ANKS6: variants seen among roughly 807,000 people sequenced by gnomAD.
ANKS6 encodes ankyrin repeat and SAM domain-containing protein 6.
In ANKS6, 47 loss-of-function variants were observed where a neutral mutation model predicts 77.9. The observed-to-expected ratio is 0.60, with a 90% CI of 0.48 to 0.77. ANKS6 has a LOEUF of 0.77. ANKS6 is among the 30% of genes least tolerant of loss of function. The pLI is 0.00. For synonymous variants in ANKS6, 488 were observed against 501.7 expected (o/e 0.97, Z 0.37); for missense variants, 1,150 against 1,159.1 (o/e 0.99, Z 0.11).
intron 1 of ANKS6, among the ~76,000 whole-genome samples, chr9:98,793,987 T>C (rs1431652433): frequency 6.7e-6 from 1 of 148,994 alleles, no homozygotes; most frequent in Non-Finnish European, 1.5e-5. Context: ...CGGTCTCTAC[T>C]AAAAATACAA....
intron 5 of ANKS6, among the ~76,000 whole-genome samples, chr9:98,781,926 G>A (rs1305627899): frequency 6.6e-6 from 1 of 152,118 alleles, no homozygotes; most frequent in Non-Finnish European, 1.5e-5. Context: ...GGAAGCCCAG[G>A]TCCCAAAAGA....
intron 1 of ANKS6, among the ~76,000 whole-genome samples, chr9:98,792,076 C>A (rs918476474): frequency 1.3e-5 from 2 of 152,170 alleles, no homozygotes; most frequent in African/African-American, 4.8e-5. Context: ...TCTGTCACTC[C>A]CCAGCTTCTG....
chr9:98,760,546 A>G (rs191845648), intron 11 of ANKS6, among the ~76,000 whole-genome samples: 12 of 152,354 alleles, frequency 7.9e-5, no homozygotes, highest in African/African-American at 2.6e-4. Context: ...TAGGAATTGT[A>G]TGACAGGAAA....
Position 98,778,352 on chromosome 9 carries a change from T to C in ANKS6, c.1441A>G (p.Ser481Gly), listed in dbSNP as rs747958695. 6.2e-7 allele frequency: 1 copy of C among 1,614,070 alleles called. No homozygotes were observed. The highest frequency in any genetic ancestry group is 8.5e-7 in the Non-Finnish European group (1 of 1,180,046). The change falls in exon 7 of 15, where the codon AGC (serine) becomes GGC (glycine). Residue 481 changes from serine to glycine, a missense_variant. Coordinates refer to ENST00000353234, the MANE Select transcript of ANKS6 (RefSeq NM_173551.5). Reference sequence around the variant, plus strand: ...TCAGAGAAAGGCAAAGGCTGGTTGCTGGACAGCCCACGGGGCAGCGTCTGC... The same window carrying C: ...TCAGAGAAAGGCAAAGGCTGGTTGCCGGACAGCCCACGGGGCAGCGTCTGC... ...LMQTLPRGLS[S>G]NQPLPFSDEP...
At chr9:98,766,626 A>C (rs1305793728) in intron 11 of ANKS6, among the ~76,000 whole-genome samples, 1 of 152,266 alleles carries the variant, frequency 6.6e-6, no homozygotes, top group Non-Finnish European at 1.5e-5. Flanking sequence ...AGATAAAAAA[A>C]TGGAAAATAA....
chr9:98,772,079 A>C (rs556445460), intron 9 of ANKS6, among the ~76,000 whole-genome samples: 27 of 152,238 alleles, frequency 1.8e-4, no homozygotes, highest in Non-Finnish European at 3.5e-4. Context: ...AAAAAGATAC[A>C]CAGTGTCCTA....
At chr9:98,786,225 C>T (rs960008856) in intron 2 of ANKS6, among the ~76,000 whole-genome samples, 1 of 151,846 alleles carries the variant, frequency 6.6e-6, no homozygotes, top group African/African-American at 2.4e-5. Flanking sequence ...GTGATCTGCT[C>T]GCCTTGGCCT....
intron 11 of ANKS6, among the ~76,000 whole-genome samples, chr9:98,762,685 G>C (rs998381028): frequency 1.3e-5 from 2 of 152,074 alleles, no homozygotes; most frequent in Non-Finnish European, 2.9e-5. Flanking sequence ...GCTAATGATT[G>C]ATTTTATAAT....
chr9:98,773,305 G>C (rs1242142870), intron 9 of ANKS6, among the ~76,000 whole-genome samples: 3 of 152,176 alleles, frequency 2.0e-5, no homozygotes, highest in Non-Finnish European at 4.4e-5. Flanking sequence ...GGTCAGTCCT[G>C]AATCCCTTCG....
intron 2 of ANKS6, among the ~76,000 whole-genome samples, chr9:98,788,351 C>G (rs1834696616): frequency 6.6e-6 from 1 of 152,204 alleles, no homozygotes; most frequent in Non-Finnish European, 1.5e-5. Context: ...ATTCCCTCCC[C>G]TGCAAAATGG....
At chr9:98,775,102 A>G (rs978933361) in intron 8 of ANKS6, among the ~76,000 whole-genome samples, 2 of 152,214 alleles carry the variant, frequency 1.3e-5, no homozygotes, top group African/African-American at 4.8e-5. Context: ...CTTTCCCTCT[A>G]GACCACAACA....
Position 98,756,584 on chromosome 9 carries a change from CT to C in ANKS6, c.2161del (p.Arg721GlyfsTer58). On this transcript the variant is annotated frameshift_variant, in exon 12 of 15. Transcript: ENST00000353234. LOFTEE classifies it high-confidence loss of function. ...GGTAGTGGAAGTTCCAGATGGAGGCCTTTTGCTGGTCTCCAATTTCTGCTGA... is the reference window on the plus strand; with the variant it reads ...GGTAGTGGAAGTTCCAGATGGAGGCCTTTGCTGGTCTCCAATTTCTGCTGA... ...PVGKKLETSK[R>X]PPSGTSTTSK... is the part of the protein sequence containing the mutation. 1 of 1,542,758 alleles carries C rather than the reference CT, an allele frequency of 6.5e-7. No homozygotes were observed. Among genetic ancestry groups the C allele is most frequent in the Non-Finnish European group, 8.7e-7 (1 of 1,148,228 alleles).
At chr9:98,757,281 C>T (rs1832765664) in intron 11 of ANKS6, among the ~76,000 whole-genome samples, 1 of 152,144 alleles carries the variant, frequency 6.6e-6, no homozygotes, top group South Asian at 2.1e-4. Context: ...TTGCTTATGT[C>T]CTTATGCTGG....
At chr9:98,745,167 C>T (rs919552348) in intron 14 of ANKS6, among the ~76,000 whole-genome samples, 1 of 152,194 alleles carries the variant, frequency 6.6e-6, no homozygotes, top group African/African-American at 2.4e-5. Context: ...CCTTGACACA[C>T]CACCATCATC....
rs1831350425 is a variant in ANKS6, at chr9:98,734,015, A to G, written c.*2504T>C. ...TCAAGGACCAAAAATCAGAAAAACA[A>G]GCACCCAACTGACCCCTCCTCCCTG... is the stretch of plus-strand genomic sequence containing the variant. On this transcript the variant is annotated 3_prime_UTR_variant, in exon 15 of 15. Coordinates refer to ENST00000353234, the MANE Select transcript of ANKS6 (RefSeq NM_173551.5). 6 of 985,156 alleles carry G rather than the reference A, an allele frequency of 6.1e-6. No individual in the cohort carries two copies. The South Asian group carries it at 1.4e-4, about 23-fold the overall frequency. The allele number at this position is 985,156 out of a possible 1,614,324, so 61.0% of individuals were successfully genotyped here.
intron 4 of ANKS6, chr9:98,783,651 T>C: frequency 3.7e-6 from 1 of 272,476 alleles, no homozygotes; most frequent in Non-Finnish European, 6.8e-6. Flanking sequence ...AATGAATCAG[T>C]CACTGTGTTC....
Position 98,736,076 on chromosome 9 carries a change from AG to A in ANKS6, c.*442del. The A allele has an allele frequency of 2.6e-6, 3 of 1,169,258 alleles. No individual in the cohort carries two copies. 72.4% of individuals were successfully genotyped at this position (1,169,258 alleles called of 1,614,324 possible). A position where few individuals can be genotyped will look rare whatever the true frequency, so the allele number is the denominator to read the frequency against. Reference sequence around the variant, plus strand: ...GCACATCCTGGCCTCCTCTGCATCCAGGTGGGGCCACATGACTACCAGTGGC... The same window carrying A: ...GCACATCCTGGCCTCCTCTGCATCCAGTGGGGCCACATGACTACCAGTGGC... On this transcript the variant is annotated 3_prime_UTR_variant, in exon 15 of 15. Coordinates refer to ENST00000353234, the MANE Select transcript of ANKS6 (RefSeq NM_173551.5).
At chr9:98,784,317 G>A (rs1033626549) in intron 3 of ANKS6, 160 bp from the exon 4 acceptor site, 7 of 595,096 alleles carry the variant, frequency 1.2e-5, no homozygotes, top group East Asian at 3.2e-5. Context: ...AGATAGCCCC[G>A]ACTCTTAAAT....
At position 98,773,926 on chromosome 9, in the gene ANKS6, G is replaced by C. The variant is rs116621934; in HGVS notation, c.1772C>G (p.Pro591Arg). 179 of 1,597,602 alleles carry C rather than the reference G, an allele frequency of 1.1e-4. No homozygotes were observed. The African/African-American group carries it at 2.1e-3, about 19-fold the overall frequency. ...GGGGTGGCCCCTGCTGGCTCTCTGG[G>C]GCAGCGCAGTCTTCATGGGGTCTGC... Reference protein sequence around the residue: ...GKADPMKTALPQRASRGHPVG... With the variant: ...GKADPMKTALRQRASRGHPVG... The change falls in exon 9 of 15, where the codon CCC (proline) becomes CGC (arginine). Residue 591 changes from proline to arginine, a missense_variant. Physicochemically the swap from Pro to Arg is moderately radical, Grantham distance 103. Transcript: ENST00000353234.
Sources: gnomAD v4.1 joint callset for allele counts (sites outside exome capture counted in the v4.1 genomes callset) on GRCh38, gnomAD v4.1.1 for gene constraint, MANE v1.5 for transcripts, NCBI Gene and HGNC (gene_info 2026-07-23, HGNC 2026-07-21) for gene names.